GPI: variants seen among roughly 807,000 people sequenced by gnomAD.
The protein encoded by GPI is D-hexose-6-phosphate anomerase.
GPI carries 56 observed loss-of-function variants against 75.8 expected under a neutral mutation model. The ratio of observed to expected loss-of-function variants is 0.74; its 90% confidence interval spans 0.60 to 0.92. The LOEUF (loss-of-function observed/expected upper bound fraction) is 0.92, where lower values mean the gene tolerates loss of function less well. Ranked by LOEUF, GPI falls within the 40% of genes least tolerant of loss-of-function variation. The pLI is 0.00. For synonymous variants in GPI, 288 were observed against 285.4 expected (o/e 1.01, Z -0.09); for missense variants, 638 against 741.0 (o/e 0.86, Z 1.61).
At chr19:34,362,304 C>CA (rs899027408), upstream of GPI, among the ~76,000 whole-genome samples, 13 of 148,174 alleles carry the variant, frequency 8.8e-5, no homozygotes, top group African/African-American at 2.0e-4. Flanking sequence ...AACTTCATCT[C>CA]AAAAAAAAAG....
chr19:34,362,453 A>G (rs1467850125), upstream of GPI, among the ~76,000 whole-genome samples: 1 of 152,170 alleles, frequency 6.6e-6, no homozygotes, highest in Admixed American at 6.5e-5. Context: ...AAACCTTTGA[A>G]ATGGCAATCA....
chr19:34,386,474 T>C (rs1020411686), intron 9 of GPI, among the ~76,000 whole-genome samples: 7 of 152,116 alleles, frequency 4.6e-5, no homozygotes, highest in Non-Finnish European at 1.0e-4. Context: ...AGGAGTAGTC[T>C]CTTGAAGGAG....
chr19:34,377,972 C>G, intron 6 of GPI, 91 bp downstream of exon 6: 2 of 1,355,018 alleles, frequency 1.5e-6, no homozygotes, highest in South Asian at 2.3e-5. Flanking sequence ...GCCATTGGTC[C>G]CTTTTGGTGG....
intron 4 of GPI, among the ~76,000 whole-genome samples, chr19:34,374,309 G>A (rs987391063): frequency 6.6e-6 from 1 of 151,980 alleles, no homozygotes; most frequent in African/African-American, 2.4e-5. Flanking sequence ...ATAATACCCC[G>A]TTGGTGTTAC....
chr19:34,379,233 C>T (rs532204906), intron 7 of GPI, among the ~76,000 whole-genome samples: 2 of 152,366 alleles, frequency 1.3e-5, no homozygotes, highest in East Asian at 1.9e-4. Context: ...CCTTGCATGG[C>T]CCTTTCTCTG....
intron 2 of GPI, 32 bp downstream of exon 2, chr19:34,366,467 AACCG>A (rs2074367031): frequency 6.8e-7 from 1 of 1,475,034 alleles, no homozygotes; most frequent in South Asian, 1.1e-5. Flanking sequence ...CATAACTGGT[AACCG>A]ACAGAGTGGT....
intron 9 of GPI, among the ~76,000 whole-genome samples, chr19:34,387,306 A>G (rs1161824142): frequency 6.6e-6 from 1 of 152,222 alleles, no homozygotes; most frequent in Non-Finnish European, 1.5e-5. Flanking sequence ...TGGTGTTGTC[A>G]GTGAGTCTGC....
At chr19:34,377,305 A>T in intron 4 of GPI, among the ~76,000 whole-genome samples, 198 bp from the exon 5 acceptor site, 1 of 51,594 alleles carries the variant, frequency 1.9e-5, no homozygotes, top group African/African-American at 1.5e-4. Context: ...TCATCTCAAA[A>T]AAAAAAAAAA....
chr19:34,385,995 T>G (rs952159075), intron 9 of GPI, among the ~76,000 whole-genome samples: 1 of 149,530 alleles, frequency 6.7e-6, no homozygotes, highest in African/African-American at 2.5e-5. Context: ...GCCCACTGGG[T>G]GTGGTTTGAG....
chr19:34,392,470 T>C (rs2074871365), intron 9 of GPI: 1 of 6,712 alleles, frequency 1.5e-4, no homozygotes, highest in South Asian at 3.7e-3. Flanking sequence ...TATGAGGATC[T>C]GGGTTTGTCA....
At chr19:34,365,701 C>G (rs1401906076) in intron 1 of GPI, 21 of 549,194 alleles carry the variant, frequency 3.8e-5, no homozygotes, top group Non-Finnish European at 7.3e-5. Context: ...GGGCTCCTTT[C>G]GCAGTTGTGA....
chr19:34,364,412 C>A (rs955977247), upstream of GPI, among the ~76,000 whole-genome samples: 2 of 146,126 alleles, frequency 1.4e-5, no homozygotes, highest in Non-Finnish European at 3.0e-5. Flanking sequence ...GATGGAGTCT[C>A]ACTCTGCCAC....
intron 9 of GPI, among the ~76,000 whole-genome samples, chr19:34,386,128 G>A (rs2074731244): frequency 6.6e-6 from 1 of 151,862 alleles, no homozygotes; most frequent in Non-Finnish European, 1.5e-5. Context: ...ATCAAGTACA[G>A]GTAGGTAGTC....
Position 34,399,588 on chromosome 19 carries a change from T to G in GPI, c.1431T>G (p.Ile477Met), listed in dbSNP as rs543065808. ...AAGGAAATCGCCCAACCAACTCTAT[T>G]GTGTTCACCAAGCTCACACCATTCA... ...VFEGNRPTNS[I>M]VFTKLTPFML... Residue 477 changes from isoleucine (I) to methionine (M), a missense_variant, in exon 16 of 18, where the codon ATT (isoleucine) becomes ATG (methionine). Physicochemically the swap from Ile to Met is conservative, Grantham distance 10 (BLOSUM62 1). Coordinates refer to ENST00000356487, the MANE Select transcript of GPI (RefSeq NM_000175.5). The G allele has an allele frequency of 7.4e-5, 119 of 1,614,056 alleles. No homozygotes were observed. The Middle Eastern group carries it at 1.5e-3, about 20-fold the overall frequency.
At chr19:34,383,212 G>C (rs1238803150) in intron 9 of GPI, among the ~76,000 whole-genome samples, 4 of 152,226 alleles carry the variant, frequency 2.6e-5, no homozygotes, top group Admixed American at 6.5e-5. Flanking sequence ...CACGCCACAG[G>C]GCCAGTTTTG....
chr19:34,396,627 G>A lies in GPI; in HGVS notation c.1239G>A (p.Gln413=), dbSNP rs775427833. The change falls in exon 14 of 18, where the codon CAG becomes CAA. Residue 413 remains glutamine, a synonymous_variant. Coordinates refer to ENST00000356487, the MANE Select transcript of GPI (RefSeq NM_000175.5). ...ACTTCCTCATCCCGGTCCAGACCCA[G>A]CACCCCATACGGAAGGGTCTGCATC... ...PCDFLIPVQT[Q]HPIRKGLHHK... is the part of the protein sequence containing the mutation. 20 of 1,614,058 alleles carry A rather than the reference G, an allele frequency of 1.2e-5. No homozygotes were observed. The South Asian group carries it at 2.1e-4, about 17-fold the overall frequency.
Position 34,402,092 on chromosome 19 carries a change from A to C in GPI, c.*2056A>C, listed in dbSNP as rs995955022. 2 of 152,218 alleles carry C rather than the reference A, an allele frequency of 1.3e-5. No individual in the cohort carries two copies. The highest frequency in any genetic ancestry group is 2.4e-5 in the African/African-American group (1 of 41,522). 9.4% of individuals were successfully genotyped at this position (152,218 alleles called of 1,614,324 possible). On this transcript the variant is annotated 3_prime_UTR_variant, in exon 18 of 18. Transcript: ENST00000356487. ...CCAAAGTGCTGGGATTACAGGCGTG[A>C]GTCACCGCGCCCGGCTCATTTTAAA...
chr19:34,399,571 C>T lies in GPI; in HGVS notation c.1414C>T (p.Arg472Cys), dbSNP rs1364382189. ...LLPHKVFEGNRPTNSIVFTKL... is the reference protein window; with the variant it reads ...LLPHKVFEGNCPTNSIVFTKL... The stretch of plus-strand genomic sequence containing the variant: ...TTTTCTGCAGGTCTTTGAAGGAAAT[C>T]GCCCAACCAACTCTATTGTGTTCAC... Residue 472 changes from arginine to cysteine, a missense_variant, in exon 16 of 18, where the codon CGC becomes TGC. Physicochemically the swap from Arg to Cys is radical, Grantham distance 180 (BLOSUM62 -3). Coordinates refer to ENST00000356487, the MANE Select transcript of GPI (RefSeq NM_000175.5). 4 of 1,614,080 alleles carry T rather than the reference C, an allele frequency of 2.5e-6. No individual in the cohort carries two copies. The highest frequency in any genetic ancestry group is 1.1e-5 in the South Asian group (1 of 91,074).
intron 2 of GPI, 79 bp from the exon 3 acceptor site, chr19:34,366,704 A>G: frequency 2.0e-6 from 2 of 981,376 alleles, no homozygotes; most frequent in South Asian, 2.6e-5. Context: ...TGGGGACAGC[A>G]CCAAGCCTTG....
Sources: gnomAD v4.1 joint callset for allele counts (sites outside exome capture counted in the v4.1 genomes callset) on GRCh38, gnomAD v4.1.1 for gene constraint, MANE v1.5 for transcripts, NCBI Gene and HGNC (gene_info 2026-07-23, HGNC 2026-07-21) for gene names.